The following LRCH3 variants were observed in gnomAD, a reference collection of about 807,000 sequenced individuals.
The protein encoded by LRCH3 is leucine rich repeats and calponin homology domain containing 3, also known as DISP complex protein LRCH3.
A neutral mutation model predicts 104.5 loss-of-function variants in LRCH3; 68 were observed. The observed-to-expected ratio is 0.65, with a 90% CI of 0.54 to 0.80. The LOEUF is 0.80. Ranked by LOEUF, LRCH3 falls within the 30% of genes least tolerant of loss-of-function variation. The pLI is 0.00. For missense variants in LRCH3, 951 were observed against 953.9 expected (o/e 1.00, Z 0.04); for synonymous variants, 344 against 361.3 (o/e 0.95, Z 0.54).
Position 197,820,351 on chromosome 3 carries a change from T to A in LRCH3, c.561T>A (p.Thr187=). The change falls in exon 4 of 21, where the codon ACT becomes ACA. Residue 187 remains threonine (T), a synonymous_variant. Coordinates refer to ENST00000425562, the MANE Select transcript of LRCH3 (RefSeq NM_001365715.1). ...ATGTGAGCTGCAATGAAATTCAAAC[T>A]ATACCTTCCCAAATTGGTAACCTGG... ...ELDVSCNEIQ[T]IPSQIGNLEA... is the part of the protein sequence containing the mutation. 6.2e-7 allele frequency: 1 copy of A among 1,612,788 alleles called. No individual in the cohort carries two copies. Among genetic ancestry groups the A allele is most frequent in the Non-Finnish European group, 8.5e-7 (1 of 1,178,774 alleles).
rs1385314184 is a variant in LRCH3 at position 197,832,213 on chromosome 3, C to T, written c.998C>T (p.Ser333Leu). The T allele has an allele frequency of 1.8e-5, 29 of 1,612,386 alleles. No individual in the cohort carries two copies. In the Admixed American group the frequency reaches 4.8e-4, roughly 27 times the overall value. The change falls in exon 8 of 21, where the codon TCA becomes TTA. Residue 333 changes from serine (S) to leucine (L), a missense_variant. Transcript: ENST00000425562. ...TTTTTTAAGCCTACAGATGAATTTT[C>T]AGATCTGCCTCTTCGAGTAGCAGAG... ...WSGNEPTDEF[S>L]DLPLRVAEIT... is the part of the protein sequence containing the mutation.
intron 4 of LRCH3, among the ~76,000 whole-genome samples, chr3:197,826,197 G>T (rs1052087645): frequency 1.7e-4 from 26 of 152,158 alleles, no homozygotes; most frequent in Non-Finnish European, 3.2e-4. Flanking sequence ...AAGAAATTCT[G>T]TATCATTATA....
Position 197,885,999 on chromosome 3 carries a change from G to A in LRCH3, c.*2333G>A, listed in dbSNP as rs964181618. 6.6e-6 allele frequency: 1 copy of A among 151,996 alleles called. No homozygotes were observed. Among genetic ancestry groups the A allele is most frequent in the Non-Finnish European group, 1.5e-5 (1 of 68,012 alleles). 9.4% of individuals were successfully genotyped at this position (151,996 alleles called of 1,614,324 possible). A position where few individuals can be genotyped will look rare whatever the true frequency, so the allele number is the denominator to read the frequency against. On this transcript the variant is annotated 3_prime_UTR_variant, in exon 21 of 21. Transcript: ENST00000425562. ...AAGTAATGTTTTCTTCCTTGTTCTT[G>A]CAGAGAAACAAATTCATCAGAACAT...
Position 197,885,080 on chromosome 3 carries a change from C to T in LRCH3, c.*1414C>T, listed in dbSNP as rs763975517. 2.0e-5 allele frequency: 3 copies of T among 152,150 alleles called. No homozygotes were observed. The highest frequency in any genetic ancestry group is 2.9e-5 in the Non-Finnish European group (2 of 68,044). The allele number at this position is 152,150 out of a possible 1,614,324, so 9.4% of individuals were successfully genotyped here. On this transcript the variant is annotated 3_prime_UTR_variant, in exon 21 of 21. Transcript: ENST00000425562. ...CCCTCTATACACAGGTTCCAAACCC[C>T]GTTATCTAGACATTATCAACAACAA...
chr3:197,864,325 C>A (rs12330812), intron 15 of LRCH3, among the ~76,000 whole-genome samples: 76,734 of 138,928 alleles, frequency 0.55, 21,569 homozygotes, highest in African/African-American at 0.74. Context: ...AAAATAAAAA[C>A]AGCTGGGCGT....
At chr3:197,826,757 A>G (rs932079426) in intron 4 of LRCH3, 121 bp from the exon 5 acceptor site, 3 of 1,230,782 alleles carry the variant, frequency 2.4e-6, no homozygotes, top group African/African-American at 1.5e-5. Context: ...CTACCAGTTA[A>G]TCACTAAAAG....
chr3:197,838,339 A>G (rs1737211098), intron 9 of LRCH3, among the ~76,000 whole-genome samples: 1 of 152,240 alleles, frequency 6.6e-6, no homozygotes, highest in African/African-American at 2.4e-5. Flanking sequence ...GTAGTTTATT[A>G]TTTGGGATCT....
At chr3:197,823,949 T>A (rs1284749811) in intron 4 of LRCH3, among the ~76,000 whole-genome samples, 1 of 152,250 alleles carries the variant, frequency 6.6e-6, no homozygotes, top group Admixed American at 6.5e-5. Context: ...AGTGTAGTTT[T>A]AGCACAACTT....
In LRCH3 at chr3:197,814,949, T is replaced by C; in HGVS notation, c.304T>C (p.Cys102Arg). The C allele has an allele frequency of 6.2e-7, 1 of 1,601,432 alleles. No homozygotes were observed. Among genetic ancestry groups the C allele is most frequent in the Non-Finnish European group, 8.5e-7 (1 of 1,175,646 alleles). The change falls in exon 2 of 21, where the codon TGT becomes CGT. Residue 102 changes from cysteine (C) to arginine (R), a missense_variant. Physicochemically the swap from Cys to Arg is radical, Grantham distance 180 (BLOSUM62 -3). Coordinates refer to ENST00000425562, the MANE Select transcript of LRCH3 (RefSeq NM_001365715.1). ...CCTTTCAGAAATTCCTATAGAAGCA[T>C]GTCACTTTGTTTCTCTGGAAAATCT... Reference protein sequence around the residue: ...NRLSEIPIEACHFVSLENLNL... With the variant: ...NRLSEIPIEARHFVSLENLNL...
Position 197,875,760 on chromosome 3 carries a change from A to T in LRCH3, c.2193A>T (p.Lys731Asn). 6.5e-7 allele frequency: 1 copy of T among 1,533,490 alleles called. No individual in the cohort carries two copies. The highest frequency in any genetic ancestry group is 1.4e-5 in the African/African-American group (1 of 73,076). The allele number at this position is 1,533,490 out of a possible 1,614,324, so 95.0% of individuals were successfully genotyped here. ...NVENFLEACR[K>N]IGVPQEQLCL... ...AAAATTTCCTAGAAGCTTGCAGAAAAATTGGTGTACCTCAGGTAATAAATT... is the reference window on the plus strand; with the variant it reads ...AAAATTTCCTAGAAGCTTGCAGAAATATTGGTGTACCTCAGGTAATAAATT... Residue 731 changes from lysine to asparagine, a missense_variant, in exon 20 of 21, where the codon AAA (lysine) becomes AAT (asparagine). Transcript: ENST00000425562.
intron 12 of LRCH3, chr3:197,850,351 CTTTT>C (rs199876882): frequency 8.8e-4 from 541 of 616,634 alleles, no homozygotes; most frequent in Middle Eastern, 1.9e-3. Context: ...ACCATTTTTT[CTTTT>C]TTTTTTTTTT....
chr3:197,845,864 ACT>A (rs1448006016), intron 10 of LRCH3, among the ~76,000 whole-genome samples: 16 of 152,232 alleles, frequency 1.1e-4, no homozygotes, highest in Admixed American at 2.0e-4. Flanking sequence ...AGATCGTGCC[ACT>A]GCACTCCAGC....
intron 20 of LRCH3, among the ~76,000 whole-genome samples, chr3:197,878,225 A>T (rs564004395): frequency 2.6e-5 from 4 of 152,306 alleles, no homozygotes; most frequent in African/African-American, 9.6e-5. Flanking sequence ...TGAAAGGTCT[A>T]AGCCTGTCCG....
chr3:197,792,895 G>A (rs1487570164), intron 1 of LRCH3, among the ~76,000 whole-genome samples: 1 of 151,590 alleles, frequency 6.6e-6, no homozygotes, highest in Non-Finnish European at 1.5e-5. Flanking sequence ...CAGGTGATTC[G>A]CCCGCCTCGG....
chr3:197,791,283 C>T lies in LRCH3; in HGVS notation c.5C>T (p.Ala2Val), dbSNP rs748661196. Residue 2 changes from alanine to valine, a missense_variant, in exon 1 of 21, where the codon GCG becomes GTG. Coordinates refer to ENST00000425562, the MANE Select transcript of LRCH3 (RefSeq NM_001365715.1). The stretch of plus-strand genomic sequence containing the variant: ...CCGAGTGTTGTCGGCTGGGAAATGG[C>T]GGCCGCGGGCTTGGTCGCTGTGGCA... The part of the protein sequence containing the change: M[A>V]AAGLVAVAAA... The T allele has an allele frequency of 3.1e-6, 5 of 1,607,786 alleles. No homozygotes were observed. Among genetic ancestry groups the T allele is most frequent in the East Asian group, 4.5e-5 (2 of 44,550 alleles).
chr3:197,880,424 T>C (rs1713647693), intron 20 of LRCH3: 3 of 988,460 alleles, frequency 3.0e-6, no homozygotes, highest in Non-Finnish European at 4.6e-6. Flanking sequence ...ATGACTGAGA[T>C]GATCATATGA....
At chr3:197,847,505 T>A (rs762337585) in intron 11 of LRCH3, 45 bp downstream of exon 11, 1 of 1,521,722 alleles carries the variant, frequency 6.6e-7, no homozygotes, top group Non-Finnish European at 8.9e-7. Flanking sequence ...TAAACTAAGA[T>A]GATTTTTTTT....
rs1405311725 is a variant in LRCH3, at chr3:197,856,725, A to G, written c.1645-2109A>G. Among the ~76,000 whole-genome samples, 3 of 152,160 alleles carry G rather than the reference A, an allele frequency of 2.0e-5. No homozygotes were observed. On this transcript the variant is annotated intron_variant, in intron 14 of 20. Transcript: ENST00000425562. The surrounding 1 kb of genome is among the most constrained non-coding windows in gnomAD (Gnocchi z 4.2). ...ATTATCTCTTTTCTGTTGGACTACT[A>G]GACTATAAGCTTCATGAACACAAGG...
Position 197,842,408 on chromosome 3 carries a change from A to C in LRCH3, c.1328+3011A>C, listed in dbSNP as rs11706171. Reference sequence around the variant, plus strand: ...AGACACAGTCGCCTCAGAATGACTGACAGCTCTCAGACCAGCAAGACTTGT... The same window carrying C: ...AGACACAGTCGCCTCAGAATGACTGCCAGCTCTCAGACCAGCAAGACTTGT... On this transcript the variant is annotated intron_variant, in intron 10 of 20. Transcript: ENST00000425562. Among the ~76,000 whole-genome samples, 965 of 152,320 alleles carry C rather than the reference A, an allele frequency of 6.3e-3. 7 individuals are homozygous for C. Among genetic ancestry groups the C allele is most frequent in the Non-Finnish European group, 8.3e-3 (564 of 68,028 alleles).
Sources: gnomAD v4.1 joint callset for allele counts (sites outside exome capture counted in the v4.1 genomes callset) on GRCh38, gnomAD v4.1.1 for gene constraint, Gnocchi (gnomAD v3.1) non-coding constraint, MANE v1.5 for transcripts, NCBI Gene and HGNC (gene_info 2026-07-23, HGNC 2026-07-21) for gene names.